The following ZNF142 variants were observed in gnomAD, a reference collection of about 807,000 sequenced individuals.
The protein encoded by ZNF142 is zinc finger protein 142.
ZNF142 carries 96 observed loss-of-function variants against 132.1 expected under a neutral mutation model. That is an observed-to-expected ratio of 0.73 (90% CI 0.62 to 0.86). The LOEUF (loss-of-function observed/expected upper bound fraction) is 0.86. Ranked by LOEUF, ZNF142 falls within the 40% of genes least tolerant of loss-of-function variation. The probability of loss-of-function intolerance (pLI) is 0.00; values close to 1 mark genes in which losing one functional copy is unlikely to be tolerated. For missense variants in ZNF142, 2,163 were observed against 2,336.2 expected, an observed-to-expected ratio of 0.93 and a Z score of 1.53; for synonymous variants, 842 against 890.1, an observed-to-expected ratio of 0.95 and a Z score of 0.96.
chr2:218,649,208 G>A lies in ZNF142; in HGVS notation c.1300C>T (p.Leu434Phe), dbSNP rs755351435. 2.5e-6 allele frequency: 4 copies of A among 1,614,116 alleles called. No homozygotes were observed. Among genetic ancestry groups the A allele is most frequent in the African/African-American group, 2.7e-5 (2 of 74,940 alleles). The change falls in exon 7 of 11, where the codon CTC becomes TTC. Residue 434 changes from leucine to phenylalanine, a missense_variant. Around this residue, in one of 7 missense-constraint regions of ZNF142, gnomAD observed 749 missense variants for 830.3 expected, o/e 0.90. Coordinates refer to ENST00000411696, the MANE Select transcript of ZNF142 (RefSeq NM_001379659.1). ...CHYSAVERNALNRHMASMHED... is the reference protein window; with the variant it reads ...CHYSAVERNAFNRHMASMHED... ...TGCATGCTGGCCATGTGGCGGTTGA[G>A]TGCATTCCTCTCCACCGCACTGTAG...
Position 218,642,588 on chromosome 2 carries a change from G to C in ZNF142, c.4528C>G (p.Pro1510Ala), listed in dbSNP as rs1479030978. The C allele has an allele frequency of 2.5e-6, 4 of 1,613,496 alleles. No individual in the cohort carries two copies. Among genetic ancestry groups the C allele is most frequent in the Non-Finnish European group, 3.4e-6 (4 of 1,179,926 alleles). The change falls in exon 9 of 11, where the codon CCC becomes GCC. Residue 1510 changes from proline to alanine, a missense_variant. This residue lies in a region of ZNF142 where 809 missense variants were observed against 801.7 expected (regional missense o/e 1.01). Coordinates refer to ENST00000411696, the MANE Select transcript of ZNF142 (RefSeq NM_001379659.1). This position sits in a 1 kb window ranked among gnomAD's most constrained non-coding sequence, Gnocchi z 4.6. ...CCAGGGGCAGGCTGTGCAGGCTCGG[G>C]GTGTCGGCGCAGAGCATGCTGCTTA... ...ALKQHALRRH[P>A]EPAQPAPGSP...
In ZNF142 at chr2:218,642,425, G is replaced by A. The variant is rs200075933; in HGVS notation, c.4691C>T (p.Pro1564Leu). The change falls in exon 9 of 11, where the codon CCT (proline) becomes CTT (leucine). Residue 1564 changes from proline to leucine, a missense_variant. Around this residue, in one of 7 missense-constraint regions of ZNF142, gnomAD observed 809 missense variants for 801.7 expected, o/e 1.01. Coordinates refer to ENST00000411696, the MANE Select transcript of ZNF142 (RefSeq NM_001379659.1). This position sits in a 1 kb window ranked among gnomAD's most constrained non-coding sequence, Gnocchi z 4.6. ...LECGACQEAF[P>L]SRLALDEHRR... ...GTGCTCATCCAGAGCCAGTCGGCTA[G>A]GGAAGGCCTCCTGGCAGGCCCCACA... 19 of 1,613,082 alleles carry A rather than the reference G, an allele frequency of 1.2e-5. No homozygotes were observed. Among genetic ancestry groups the A allele is most frequent in the African/African-American group, 2.7e-5 (2 of 75,072 alleles).
rs367633264 is a variant in ZNF142 at position 218,635,759 on chromosome 2, A to G, written c.*2580T>C. On this transcript the variant is annotated 3_prime_UTR_variant, in exon 11 of 11. Transcript: ENST00000411696. Reference sequence around the variant, plus strand: ...AGTAGGGTCGGGTGGGGCTGGGCTGAGCAGGAACTTGTGAGATTCCAGAGC... The same window carrying G: ...AGTAGGGTCGGGTGGGGCTGGGCTGGGCAGGAACTTGTGAGATTCCAGAGC... The G allele has an allele frequency of 2.3e-5, 37 of 1,599,704 alleles. No individual in the cohort carries two copies. The highest frequency in any genetic ancestry group is 3.1e-5 in the Non-Finnish European group (36 of 1,173,306).
At chr2:218,641,936 A>C in intron 9 of ZNF142, 92 bp downstream of exon 9, 1 of 1,467,314 alleles carries the variant, frequency 6.8e-7, no homozygotes, top group African/African-American at 1.4e-5. Flanking sequence ...CACAGAGCTA[A>C]TATCTGGAGG....
chr2:218,645,128 G>C lies in ZNF142; in HGVS notation c.2052-64C>G, dbSNP rs143288322. On this transcript the variant is annotated intron_variant, in intron 8 of 10. Coordinates refer to ENST00000411696, the MANE Select transcript of ZNF142 (RefSeq NM_001379659.1). ...AATCACAACAACTAAGAATCAGTCA[G>C]TAAATACTTACTGTGGGCCAGGCTC... is the stretch of plus-strand genomic sequence containing the variant. 7.8e-5 allele frequency: 122 copies of C among 1,562,824 alleles called. No homozygotes were observed. The African/African-American group carries it at 1.4e-3, about 18-fold the overall frequency.
intron 9 of ZNF142, 113 bp downstream of exon 9, chr2:218,641,915 T>G: frequency 6.6e-6 from 9 of 1,371,120 alleles, no homozygotes; most frequent in Non-Finnish European, 8.8e-6. Flanking sequence ...GTAAAGGAAC[T>G]TTCCCAAAGT....
In ZNF142 at chr2:218,642,685, G is replaced by A; in HGVS notation, c.4431C>T (p.Asn1477=). The A allele has an allele frequency of 6.2e-7, 1 of 1,614,130 alleles. No homozygotes were observed. The highest frequency in any genetic ancestry group is 1.3e-5 in the African/African-American group (1 of 75,070). The stretch of plus-strand genomic sequence containing the variant: ...AGGCTGGGGTGCCTTGGTGGCAGCT[G>A]TTGACATGACGAGTGATGTCATGGC... ...YLRHDITRHV[N]SCHQGTPAFA... is the part of the protein sequence containing the mutation. The change falls in exon 9 of 11, where the codon AAC becomes AAT. Residue 1477 remains asparagine, a synonymous_variant. Transcript: ENST00000411696. The surrounding 1 kb of genome is among the most constrained non-coding windows in gnomAD (Gnocchi z 4.6).
chr2:218,642,035 C>T lies in ZNF142; in HGVS notation c.5081G>A (p.Arg1694His), dbSNP rs1697236024. Reference protein sequence around the residue: ...LCPYACADPSRLKYHMRIHKE... With the variant: ...LCPYACADPSHLKYHMRIHKE... ...CATATCCTCTGACATTACCTTGAGACGAGAGGGATCAGCACAGGCATAGGG... is the reference window on the plus strand; with the variant it reads ...CATATCCTCTGACATTACCTTGAGATGAGAGGGATCAGCACAGGCATAGGG... The change falls in exon 9 of 11, where the codon CGT (arginine) becomes CAT (histidine). Residue 1694 changes from arginine to histidine, a missense_variant. Physicochemically the swap from Arg to His is conservative, Grantham distance 29. Coordinates refer to ENST00000411696, the MANE Select transcript of ZNF142 (RefSeq NM_001379659.1). The surrounding 1 kb of genome is among the most constrained non-coding windows in gnomAD (Gnocchi z 4.6). The T allele has an allele frequency of 6.2e-6, 10 of 1,613,150 alleles. No homozygotes were observed. The highest frequency in any genetic ancestry group is 7.6e-6 in the Non-Finnish European group (9 of 1,179,332).
intron 10 of ZNF142, 55 bp from the exon 11 acceptor site, chr2:218,638,863 G>A: frequency 1.4e-6 from 2 of 1,399,514 alleles, no homozygotes; most frequent in South Asian, 1.4e-5. Flanking sequence ...GGTTTACTGG[G>A]CCATGGAGTT....
At chr2:218,655,099 C>T (rs969709229) in intron 4 of ZNF142, among the ~76,000 whole-genome samples, 3 of 152,006 alleles carry the variant, frequency 2.0e-5, no homozygotes, top group African/African-American at 7.2e-5. Flanking sequence ...AACAAAACCC[C>T]CAAAACCAAA....
At position 218,634,855 on chromosome 2, in the gene ZNF142, T is replaced by C. The variant is rs766495228; in HGVS notation, c.*3484A>G. On this transcript the variant is annotated 3_prime_UTR_variant, in exon 11 of 11. Transcript: ENST00000411696. This position sits in a 1 kb window ranked among gnomAD's most constrained non-coding sequence, Gnocchi z 4.0. ...TACCTCAGTCTGCTCACCTGCAAAA[T>C]AGGGGTAACACTACCACCTGCCTCA... 3.3e-5 allele frequency among the ~76,000 whole-genome samples: 5 copies of C among 152,104 alleles called. No homozygotes were observed. The highest frequency in any genetic ancestry group is 6.6e-5 in the Admixed American group (1 of 15,246).
At chr2:218,656,551 C>A in intron 3 of ZNF142, 88 bp from the exon 4 acceptor site, 1 of 926,886 alleles carries the variant, frequency 1.1e-6, no homozygotes. Flanking sequence ...CAGTGCCCAC[C>A]CACTTAGGCA....
At chr2:218,650,135 C>T (rs983839890) in intron 6 of ZNF142, among the ~76,000 whole-genome samples, 2 of 152,186 alleles carry the variant, frequency 1.3e-5, no homozygotes, top group African/African-American at 4.8e-5. Context: ...GGAAAACCAG[C>T]CCAGTGAAGC....
Position 218,638,660 on chromosome 2 carries a change from G to A in ZNF142, c.5343C>T (p.Arg1781=), listed in dbSNP as rs1696917481. ...CCTCACTGTGCTTGCGAAGGTGGGT[G>A]CGCAGCAGGAAGCGCGTCTTGAAGG... is the stretch of plus-strand genomic sequence containing the variant. The part of the protein sequence containing the change: ...GKAFKTRFLL[R]THLRKHSEAK... Residue 1781 remains arginine (R), a synonymous_variant, in exon 11 of 11, where the codon CGC becomes CGT. Coordinates refer to ENST00000411696, the MANE Select transcript of ZNF142 (RefSeq NM_001379659.1). 6.2e-7 allele frequency: 1 copy of A among 1,614,258 alleles called. No homozygotes were observed.
chr2:218,645,580 G>T (rs1045627666), intron 8 of ZNF142, among the ~76,000 whole-genome samples: 2 of 152,068 alleles, frequency 1.3e-5, no homozygotes, highest in African/African-American at 4.8e-5. Context: ...CTTTCCCAGG[G>T]CCAAACTCTG....
At chr2:218,656,049 GC>G in intron 4 of ZNF142, 100 bp downstream of exon 4, 2 of 1,335,778 alleles carry the variant, frequency 1.5e-6, no homozygotes, top group Non-Finnish European at 2.0e-6. Flanking sequence ...AAAATAGGAT[GC>G]TACCTTGTGT....
intron 10 of ZNF142, among the ~76,000 whole-genome samples, chr2:218,640,383 G>A (rs1159723853): frequency 6.6e-6 from 1 of 152,178 alleles, no homozygotes; most frequent in Non-Finnish European, 1.5e-5. Context: ...AGTTTGAGTT[G>A]GGGGTTCTCA....
chr2:218,648,551 G>A (rs1937648532), intron 7 of ZNF142, 84 bp downstream of exon 7: 2 of 1,373,690 alleles, frequency 1.5e-6, no homozygotes, highest in Non-Finnish European at 9.9e-7. Context: ...TGGGTCAAAT[G>A]AGAAAACGTA....
rs1231353233 is a variant in ZNF142 at position 218,646,547 on chromosome 2, C to T, written c.1874-199G>A. Among the ~76,000 whole-genome samples the T allele has an allele frequency of 2.0e-5, 3 of 152,144 alleles. No homozygotes were observed. The East Asian group carries it at 5.8e-4, about 29-fold the overall frequency. ...GACAACTACTCCCCCAACTCCCACA[C>T]CAGTGAAGATGGGAAGAAAGTAAAG... On this transcript the variant is annotated intron_variant, in intron 7 of 10. Transcript: ENST00000411696.
Sources: gnomAD v4.1 joint callset for allele counts (sites outside exome capture counted in the v4.1 genomes callset) on GRCh38, gnomAD v4.1.1 for gene constraint, gnomAD v4.1.1 regional missense constraint, Gnocchi (gnomAD v3.1) non-coding constraint, MANE v1.5 for transcripts, NCBI Gene and HGNC (gene_info 2026-07-23, HGNC 2026-07-21) for gene names.